Variants in PDLIM4 observed in about 807,000 individuals in gnomAD.
The protein encoded by PDLIM4 is PDZ and LIM domain 4.
In PDLIM4, 19 loss-of-function variants were observed where a neutral mutation model predicts 31.3. The ratio of observed to expected loss-of-function variants is 0.61; its 90% confidence interval spans 0.42 to 0.89. The LOEUF (loss-of-function observed/expected upper bound fraction) is 0.89, where lower values mean the gene tolerates loss of function less well. Among genes scored for constraint, PDLIM4 ranks in the 40% least tolerant of loss-of-function variants. The pLI, the probability that PDLIM4 is intolerant of heterozygous loss-of-function variation, is 0.00. For missense variants in PDLIM4, 442 were observed against 461.1 expected, an observed-to-expected ratio of 0.96 and a Z score of 0.38; for synonymous variants, 176 against 190.1, an observed-to-expected ratio of 0.93 and a Z score of 0.61.
intron 5 of PDLIM4, 104 bp downstream of exon 5, chr5:132,271,570 C>T (rs1240545623): frequency 2.4e-6 from 3 of 1,236,576 alleles, no homozygotes; most frequent in Admixed American, 3.7e-5. Flanking sequence ...CTGCCCTCTT[C>T]GGTCTCTGCG....
At chr5:132,271,138 AC>A (rs1756600371) in intron 4 of PDLIM4, 45 bp downstream of exon 4, 4 of 1,577,726 alleles carry the variant, frequency 2.5e-6, no homozygotes, top group Non-Finnish European at 3.5e-6. Context: ...ACCCATCTTA[AC>A]CCTTGATCCC....
intron 2 of PDLIM4, 91 bp downstream of exon 2, chr5:132,262,851 G>A: frequency 8.2e-7 from 1 of 1,222,082 alleles, no homozygotes; most frequent in Non-Finnish European, 1.1e-6. Context: ...GCTTCACACA[G>A]CCTCTCTGCC....
chr5:132,267,028 C>T lies in PDLIM4; in HGVS notation c.327+483C>T, dbSNP rs886229249. ...GGTGCTTCTAGCAGAACTTAGGCTG[C>T]AGGCCTGTCTGCCCAGTCACCTTTC... On this transcript the variant is annotated intron_variant, in intron 3 of 6. Coordinates refer to ENST00000253754, the MANE Select transcript of PDLIM4 (RefSeq NM_003687.4). 2.0e-5 allele frequency among the ~76,000 whole-genome samples: 3 copies of T among 152,220 alleles called. 1 individual carries two copies. Among genetic ancestry groups the T allele is most frequent in the Non-Finnish European group, 4.4e-5 (3 of 68,040 alleles).
chr5:132,263,531 CTTGCTCAGGTCCTGGGTCT>C (rs1370837004), intron 2 of PDLIM4, among the ~76,000 whole-genome samples: 1 of 152,208 alleles, frequency 6.6e-6, no homozygotes, highest in Admixed American at 6.5e-5. Flanking sequence ...GGGACCCAGC[CTTGCTCAGGTCCTGGGTCT>C]TTACTCAGCT....
intron 1 of PDLIM4, among the ~76,000 whole-genome samples, chr5:132,258,605 G>A (rs1362760879): frequency 1.3e-5 from 2 of 152,166 alleles, no homozygotes; most frequent in African/African-American, 4.8e-5. Context: ...GTTCGAGGGG[G>A]TGCCTGTCTA....
chr5:132,266,864 G>A (rs1353469244), intron 3 of PDLIM4: 1 of 239,924 alleles, frequency 4.2e-6, no homozygotes, highest in African/African-American at 2.2e-5. Context: ...GGTGCTCAGT[G>A]ATGCCAGACC....
At chr5:132,271,559 C>G (rs764100575) in intron 5 of PDLIM4, 93 bp downstream of exon 5, 2 of 1,345,838 alleles carry the variant, frequency 1.5e-6, no homozygotes, top group Non-Finnish European at 1.1e-6. Context: ...CTCGCAGTCA[C>G]CTGCCCTCTT....
chr5:132,269,686 G>C (rs1341692529), intron 3 of PDLIM4, among the ~76,000 whole-genome samples: 2 of 151,936 alleles, frequency 1.3e-5, no homozygotes, highest in Non-Finnish European at 2.9e-5. Context: ...TCCAAACCAG[G>C]GTTCTTCCCA....
chr5:132,268,968 AT>A (rs533004780), intron 3 of PDLIM4, among the ~76,000 whole-genome samples: 214 of 152,300 alleles, frequency 1.4e-3, no homozygotes, highest in Non-Finnish European at 2.5e-3. Flanking sequence ...CCTGACAGCC[AT>A]TCATCCAACA....
intron 3 of PDLIM4, chr5:132,266,857 G>A (rs1421714523): frequency 4.0e-6 from 1 of 251,268 alleles, no homozygotes; most frequent in Non-Finnish European, 7.7e-6. Context: ...TCACTCTGGT[G>A]CTCAGTGATG....
intron 3 of PDLIM4, among the ~76,000 whole-genome samples, chr5:132,270,107 C>A (rs575531694): frequency 6.6e-6 from 1 of 152,274 alleles, no homozygotes; most frequent in Non-Finnish European, 1.5e-5. Context: ...GGACAAAGAT[C>A]CCCAGTCCCC....
chr5:132,271,942 C>G (rs201790154), intron 6 of PDLIM4, 34 bp downstream of exon 6: 2 of 1,593,902 alleles, frequency 1.3e-6, no homozygotes, highest in South Asian at 2.2e-5. Flanking sequence ...CTCCCGGACC[C>G]TAGCCTTCCA....
Position 132,266,564 on chromosome 5 carries a change from T to A in PDLIM4, c.327+19T>A. 6.4e-7 allele frequency: 1 copy of A among 1,556,898 alleles called. No individual in the cohort carries two copies. Among genetic ancestry groups the A allele is most frequent in the Non-Finnish European group, 8.8e-7 (1 of 1,130,438 alleles). ...GATCCAGGTATGTACAGACACTGCC[T>A]GGCCTGGCCTGGCTCAGAGTGAGCC... On this transcript the variant is annotated intron_variant, in intron 3 of 6. Transcript: ENST00000253754.
At chr5:132,268,172 G>C (rs1756532192) in intron 3 of PDLIM4, among the ~76,000 whole-genome samples, 1 of 152,214 alleles carries the variant, frequency 6.6e-6, no homozygotes, top group African/African-American at 2.4e-5. Flanking sequence ...TGGAGAAGGA[G>C]GGAGTTTCCA....
At chr5:132,266,652 T>C (rs1455665427) in intron 3 of PDLIM4, 107 bp downstream of exon 3, 13 of 664,804 alleles carry the variant, frequency 2.0e-5, no homozygotes, top group Non-Finnish European at 2.8e-5. Flanking sequence ...GGCTCTCAGA[T>C]ACCCAAGACA....
In PDLIM4 at chr5:132,262,457, G is replaced by T; in HGVS notation, c.94-152G>T. On this transcript the variant is annotated intron_variant, in intron 1 of 6. Coordinates refer to ENST00000253754, the MANE Select transcript of PDLIM4 (RefSeq NM_003687.4). Reference sequence around the variant, plus strand: ...CAAGGCTGCAGCCAGGCTACATGGGGACCTCAACCAGCCACTCGGCTTGCC... The same window carrying T: ...CAAGGCTGCAGCCAGGCTACATGGGTACCTCAACCAGCCACTCGGCTTGCC... 3 of 619,192 alleles carry T rather than the reference G, an allele frequency of 4.8e-6. No homozygotes were observed. The Middle Eastern group carries it at 1.4e-3, about 282-fold the overall frequency. 38.4% of individuals were successfully genotyped at this position (619,192 alleles called of 1,614,324 possible).
intron 2 of PDLIM4, among the ~76,000 whole-genome samples, chr5:132,264,028 T>C (rs1002041529): frequency 2.0e-5 from 3 of 152,188 alleles, no homozygotes; most frequent in African/African-American, 7.2e-5. Context: ...GCTCTGCCCA[T>C]GAGTGACCTC....
intron 1 of PDLIM4, among the ~76,000 whole-genome samples, chr5:132,260,812 CA>C (rs1756357036): frequency 6.6e-6 from 1 of 152,186 alleles, no homozygotes; most frequent in Non-Finnish European, 1.5e-5. Context: ...CTGGGAGAGT[CA>C]CAATTTCTTG....
intron 6 of PDLIM4, 47 bp downstream of exon 6, chr5:132,271,955 G>T: frequency 6.3e-7 from 1 of 1,593,464 alleles, no homozygotes; most frequent in Non-Finnish European, 8.6e-7. Context: ...GCCTTCCAGG[G>T]CCCTGGATGC....
Sources: gnomAD v4.1 joint callset for allele counts (sites outside exome capture counted in the v4.1 genomes callset) on GRCh38, gnomAD v4.1.1 for gene constraint, MANE v1.5 for transcripts, NCBI Gene and HGNC (gene_info 2026-07-23, HGNC 2026-07-21) for gene names.